FRMPD4: variants seen among roughly 807,000 people sequenced by gnomAD.
The protein encoded by FRMPD4 is FERM and PDZ domain-containing protein 4.
Under a neutral mutation model 94.1 loss-of-function variants are expected in FRMPD4, and 22 were observed. The observed-to-expected ratio is 0.23, with a 90% confidence interval of 0.17 to 0.33. FRMPD4 has a LOEUF of 0.33. Among genes scored for constraint, FRMPD4 ranks in the 10% least tolerant of loss-of-function variants. The pLI, the probability that FRMPD4 is intolerant of heterozygous loss-of-function variation, is 1.00. For synonymous variants in FRMPD4, 631 were observed against 548.6 expected, an observed-to-expected ratio of 1.15 and a Z score of -2.10; for missense variants, 1,111 against 1,339.9, an observed-to-expected ratio of 0.83 and a Z score of 2.67.
intron 2 of FRMPD4, among the ~76,000 whole-genome samples, chrX:12,579,417 G>A (rs878906169): frequency 8.9e-6 from 1 of 111,887 alleles, no homozygotes; most frequent in African/African-American, 3.3e-5. Flanking sequence ...CTACTAAGGA[G>A]AGTTACTTCA....
rs77711471 is a variant in FRMPD4 at position 12,508,567 on chromosome X, T to C, written c.158+9771T>C. Among the ~76,000 whole-genome samples the C allele has an allele frequency of 2.7e-5, 3 of 111,870 alleles. No homozygotes were observed. The East Asian group carries it at 8.4e-4, about 31-fold the overall frequency. ...ATGTATGTTTGTATCAGTAGATGGG[T>C]GGATGAATGGATGGATGGATGAATA... On this transcript the variant is annotated intron_variant, in intron 2 of 16. Coordinates refer to ENST00000675598, the MANE Select transcript of FRMPD4 (RefSeq NM_001368397.1).
chrX:12,625,943 A>T (rs1368920766), intron 4 of FRMPD4, among the ~76,000 whole-genome samples: 1 of 112,017 alleles, frequency 8.9e-6, no homozygotes, highest in Admixed American at 9.5e-5. Context: ...AAAAAAGTTT[A>T]TTAAAAAATA....
chrX:12,353,151 A>C (rs1383864941), intron 1 of FRMPD4, among the ~76,000 whole-genome samples: 1 of 111,587 alleles, frequency 9.0e-6, no homozygotes. Flanking sequence ...GCCTCTCTGC[A>C]TGGACTCACA....
rs1004296898 is a variant in FRMPD4, at chrX:12,573,902, AT to A, written c.159-35809del. Among the ~76,000 whole-genome samples the A allele has an allele frequency of 2.4e-3, 260 of 110,084 alleles. 1 individual carries two copies. Among genetic ancestry groups the A allele is most frequent in the Non-Finnish European group, 3.8e-3 (198 of 52,343 alleles). ...TCTTCTATTGAGCCAGACATTAAAG[AT>A]TTTTTTTTTAATGTAAAGCAGTGCC... On this transcript the variant is annotated intron_variant, in intron 2 of 16. Transcript: ENST00000675598.
intron 3 of FRMPD4, among the ~76,000 whole-genome samples, chrX:12,063,309 C>A (rs1299191448): frequency 9.0e-6 from 1 of 111,504 alleles, no homozygotes; most frequent in Non-Finnish European, 1.9e-5. Flanking sequence ...GTCGAGTCTG[C>A]AATGAGCCAT....
chrX:12,574,423 C>T (rs1460628955), intron 2 of FRMPD4, among the ~76,000 whole-genome samples: 1 of 112,296 alleles, frequency 8.9e-6, no homozygotes, highest in African/African-American at 3.2e-5. Flanking sequence ...TGAGAATATT[C>T]TGTTAGACAT....
chrX:12,217,063 A>T (rs1215753458), intron 1 of FRMPD4, among the ~76,000 whole-genome samples: 2 of 112,088 alleles, frequency 1.8e-5, no homozygotes, highest in African/African-American at 3.2e-5. Context: ...GAAAGGAGGG[A>T]ACCAGGGTAC....
chrX:12,287,105 A>G (rs1309511411), intron 1 of FRMPD4, among the ~76,000 whole-genome samples: 2 of 112,474 alleles, frequency 1.8e-5, no homozygotes, highest in African/African-American at 6.5e-5. Context: ...TGTTCTGTGC[A>G]CTATCTAGAT....
intron 3 of FRMPD4, among the ~76,000 whole-genome samples, chrX:12,126,352 CT>C (rs982866899): frequency 8.9e-6 from 1 of 112,190 alleles, no homozygotes; most frequent in Admixed American, 9.4e-5. Context: ...TACTACATTT[CT>C]TGGTCAGAGA....
At chrX:12,367,549 A>G (rs1197714009) in intron 1 of FRMPD4, among the ~76,000 whole-genome samples, 4 of 111,929 alleles carry the variant, frequency 3.6e-5, no homozygotes, top group African/African-American at 1.3e-4. Context: ...AGGGCGTGGG[A>G]TTCGAGTGGA....
At chrX:12,340,974 C>G (rs1258919453) in intron 1 of FRMPD4, among the ~76,000 whole-genome samples, 3 of 112,079 alleles carry the variant, frequency 2.7e-5, no homozygotes, top group African/African-American at 9.7e-5. Flanking sequence ...GACTGGGAGT[C>G]TCTTTACTTG....
chrX:11,827,102 G>A (rs867120031), intron 1 of FRMPD4, among the ~76,000 whole-genome samples: 24 of 92,818 alleles, frequency 2.6e-4, no homozygotes, highest in African/African-American at 9.3e-4. Context: ...TATATGTTCT[G>A]TATATAACAT....
chrX:12,331,706 A>T (rs867298707), intron 1 of FRMPD4, among the ~76,000 whole-genome samples: 1 of 64,891 alleles, frequency 1.5e-5, no homozygotes, highest in Admixed American at 2.4e-4. Context: ...ATAAATATAT[A>T]ATATATAATT....
chrX:12,704,407 C>T lies in FRMPD4; in HGVS notation c.1119C>T (p.Ser373=). 1.7e-6 allele frequency: 2 copies of T among 1,184,544 alleles called. No homozygotes were observed. The highest frequency in any genetic ancestry group is 2.3e-6 in the Non-Finnish European group (2 of 873,883). The change falls in exon 11 of 17, where the codon AGC becomes AGT. Residue 373 remains serine (S), a synonymous_variant. Transcript: ENST00000675598. ...ETFLPSAVLQ[S]MKEKNIKKAL... ...TTCTTCCCTCTGCTGTGCTGCAAAG[C>T]ATGAAAGAGAAGAACATAAAGAAAG...
intron 1 of FRMPD4, among the ~76,000 whole-genome samples, chrX:12,152,472 T>C (rs2055867102): frequency 9.0e-6 from 1 of 110,897 alleles, no homozygotes; most frequent in Admixed American, 9.6e-5. Flanking sequence ...GGTATCAGAA[T>C]GGGGGGGTAA....
At chrX:12,424,910 T>C (rs1439094173) in intron 1 of FRMPD4, among the ~76,000 whole-genome samples, 5 of 112,955 alleles carry the variant, frequency 4.4e-5, no homozygotes, top group Non-Finnish European at 9.4e-5. Context: ...ACTTCTATAA[T>C]GCGTTTGCTT....
intron 3 of FRMPD4, among the ~76,000 whole-genome samples, chrX:12,008,564 C>T (rs1037859944): frequency 2.7e-5 from 3 of 112,581 alleles, no homozygotes; most frequent in African/African-American, 9.7e-5. Flanking sequence ...TATAAATAAA[C>T]AAATACACAG....
chrX:12,131,077 T>C (rs1317536932), intron 3 of FRMPD4, among the ~76,000 whole-genome samples: 2 of 111,505 alleles, frequency 1.8e-5, no homozygotes, highest in Admixed American at 9.5e-5. Flanking sequence ...TAATCCTACA[T>C]TGGCAGACTT....
intron 1 of FRMPD4, among the ~76,000 whole-genome samples, chrX:12,421,890 C>T (rs2056888711): frequency 9.1e-6 from 1 of 110,335 alleles, no homozygotes. Flanking sequence ...CCTTGGATAT[C>T]TTCTTGCTGT....
Sources: allele counts gnomAD v4.1 joint callset (sites outside exome capture counted in the v4.1 genomes callset), GRCh38; gene constraint gnomAD v4.1.1; transcripts MANE v1.5; gene names NCBI Gene and HGNC (gene_info 2026-07-23, HGNC 2026-07-21).